MYO16: variants seen among roughly 807,000 people sequenced by gnomAD.
The protein encoded by MYO16 is myosin XVI, also known as unconventional myosin-XVI.
Under a neutral mutation model 205.3 loss-of-function variants are expected in MYO16, and 94 were observed. The observed-to-expected ratio is 0.46, with a 90% CI of 0.39 to 0.54. MYO16 has a LOEUF of 0.54. Among genes scored for constraint, MYO16 ranks in the 20% least tolerant of loss-of-function variants. The pLI, the probability that MYO16 is intolerant of heterozygous loss-of-function variation, is 0.00. For synonymous variants in MYO16, 988 were observed against 954.0 expected (o/e 1.04, Z -0.66); for missense variants, 2,315 against 2,387.5 (o/e 0.97, Z 0.63).
the MYO16 span, among the ~76,000 whole-genome samples, chr13:108,516,430 C>G: frequency 6.6e-6 from 1 of 152,102 alleles, no homozygotes; most frequent in East Asian, 1.9e-4. Context: ...AGAAATCACC[C>G]GTCTTCTGCG....
At chr13:108,777,908 C>A (rs1238448192) in intron 4 of MYO16, among the ~76,000 whole-genome samples, 2 of 152,192 alleles carry the variant, frequency 1.3e-5, no homozygotes, top group East Asian at 3.9e-4. Context: ...CTGCTATTCC[C>A]ATATTCTTCA....
intron 27 of MYO16, among the ~76,000 whole-genome samples, chr13:109,065,388 G>A (rs1346444654): frequency 6.6e-6 from 1 of 151,876 alleles, no homozygotes; most frequent in East Asian, 1.9e-4. Flanking sequence ...CCCTTCCACA[G>A]CCATGTCTAT....
rs1693985149 is a variant in MYO16, at chr13:108,629,671, G to T, written c.-174G>T. The T allele has an allele frequency of 1.8e-6, 1 of 566,962 alleles. No homozygotes were observed. The highest frequency in any genetic ancestry group is 3.1e-6 in the Non-Finnish European group (1 of 326,116). 35.1% of individuals were successfully genotyped at this position (566,962 alleles called of 1,614,324 possible). A position where few individuals can be genotyped will look rare whatever the true frequency, so the allele number is the denominator to read the frequency against. On this transcript the variant is annotated 5_prime_UTR_variant, in exon 1 of 35. Coordinates refer to ENST00000457511, the MANE Select transcript of MYO16 (RefSeq NM_001198950.3). ...TATCTTAACTCCAGCTGCCGAATGA[G>T]AATGAGTTTGAAGCTTTTTGCAGGA...
chr13:108,604,214 G>T (rs1878869581), intron 1 of MYO16, among the ~76,000 whole-genome samples: 1 of 152,084 alleles, frequency 6.6e-6, no homozygotes, highest in Non-Finnish European at 1.5e-5. Context: ...AATTTGGATT[G>T]CAATTTAAGA....
At chr13:108,846,514 A>G (rs1223059778) in intron 10 of MYO16, among the ~76,000 whole-genome samples, 2 of 91,966 alleles carry the variant, frequency 2.2e-5, no homozygotes, top group East Asian at 2.2e-4. Context: ...GTGTATATAC[A>G]TATATCCTTT....
chr13:108,630,995 G>A (rs185130092), intron 1 of MYO16, among the ~76,000 whole-genome samples: 161 of 152,250 alleles, frequency 1.1e-3, no homozygotes, highest in African/African-American at 3.0e-3. Context: ...TGGTCATCTC[G>A]TAAGTTTGCA....
At chr13:109,152,586 A>C (rs540476761) in intron 32 of MYO16, among the ~76,000 whole-genome samples, 45 of 152,296 alleles carry the variant, frequency 3.0e-4, no homozygotes, top group Non-Finnish European at 5.9e-5. Context: ...CGTCTTTTTA[A>C]TCTGATGATC....
chr13:108,586,177 AAAG>A, the MYO16 span, among the ~76,000 whole-genome samples: 8 of 152,256 alleles, frequency 5.3e-5, no homozygotes, highest in Admixed American at 3.9e-4. Flanking sequence ...CCAGATAAAA[AAAG>A]AAGAGATCAT....
chr13:108,831,385 C>T (rs913243617), intron 9 of MYO16, among the ~76,000 whole-genome samples: 15 of 152,178 alleles, frequency 9.9e-5, no homozygotes, highest in African/African-American at 2.9e-4. Flanking sequence ...CAGGATAGGG[C>T]TTCAAGGAAT....
At chr13:108,913,103 G>A (rs1418250077) in intron 16 of MYO16, among the ~76,000 whole-genome samples, 1 of 152,142 alleles carries the variant, frequency 6.6e-6, no homozygotes, top group Admixed American at 6.5e-5. Flanking sequence ...GTGACTTTAT[G>A]AGGAGTTCCA....
chr13:109,087,896 A>T (rs1888485838), intron 27 of MYO16, among the ~76,000 whole-genome samples: 1 of 152,230 alleles, frequency 6.6e-6, no homozygotes, highest in Non-Finnish European at 1.5e-5. Flanking sequence ...TCTTTTATTT[A>T]GGCTTAAACA....
chr13:108,644,401 TATCTATCTATC>T (rs1566524947), intron 1 of MYO16, among the ~76,000 whole-genome samples: 9 of 150,836 alleles, frequency 6.0e-5, no homozygotes, highest in African/African-American at 1.7e-4. Flanking sequence ...TCTATCTATC[TATCTATCTATC>T]TATCATCTGT....
chr13:108,727,129 C>T (rs552847699), intron 3 of MYO16, among the ~76,000 whole-genome samples: 160 of 151,626 alleles, frequency 1.1e-3, no homozygotes, highest in Non-Finnish European at 9.3e-4. Flanking sequence ...GTGAATGGTT[C>T]AAGTTTTTTT....
Position 108,961,626 on chromosome 13 carries a change from T to G in MYO16, c.2125T>G (p.Phe709Val). 1 of 1,613,942 alleles carries G rather than the reference T, an allele frequency of 6.2e-7. No homozygotes were observed. Among genetic ancestry groups the G allele is most frequent in the East Asian group, 2.2e-5 (1 of 44,884 alleles). Residue 709 changes from phenylalanine to valine, a missense_variant, in exon 18 of 35, where the codon TTC (phenylalanine) becomes GTC (valine). By Grantham distance (50) the Phe-to-Val change is conservative. Coordinates refer to ENST00000457511, the MANE Select transcript of MYO16 (RefSeq NM_001198950.3). The part of the protein sequence containing the change: ...FTALNEGNSA[F>V]VSDLQLLEQV... ...TGCCCTGAATGAGGGGAACTCCGCC[T>G]TCGTTTCTGACCTCCAGCTCCTGGA...
chr13:108,508,883 C>G, the MYO16 span, among the ~76,000 whole-genome samples: 1 of 152,178 alleles, frequency 6.6e-6, no homozygotes, highest in Non-Finnish European at 1.5e-5. Context: ...ATGGGACTTA[C>G]TATTCAGTTA....
chr13:108,972,708 T>A (rs1884099149), intron 20 of MYO16, among the ~76,000 whole-genome samples: 1 of 151,772 alleles, frequency 6.6e-6, no homozygotes, highest in South Asian at 2.1e-4. Flanking sequence ...TGCCACTCTT[T>A]CTCTTAGGGC....
At chr13:108,927,717 T>G (rs147989022) in intron 16 of MYO16, among the ~76,000 whole-genome samples, 1,920 of 152,360 alleles carry the variant, frequency 0.013, 26 homozygotes, top group Middle Eastern at 0.1. Context: ...TCCTTGCGCA[T>G]GCCCTGGAGG....
At chr13:108,743,266 T>C (rs1884964149) in intron 4 of MYO16, among the ~76,000 whole-genome samples, 1 of 152,162 alleles carries the variant, frequency 6.6e-6, no homozygotes, top group Admixed American at 6.5e-5. Flanking sequence ...AAAAAAACAT[T>C]TGGGGTGGAA....
chr13:109,140,313 G>A lies in MYO16; in HGVS notation c.4101G>A (p.Lys1367=). The change falls in exon 32 of 35, where the codon AAG becomes AAA. Residue 1367 remains lysine, a synonymous_variant. Coordinates refer to ENST00000457511, the MANE Select transcript of MYO16 (RefSeq NM_001198950.3). The surrounding 1 kb of genome is among the most constrained non-coding windows in gnomAD (Gnocchi z 8.0). The stretch of plus-strand genomic sequence containing the variant: ...GCGACGACTACAGCACCATGAAGAA[G>A]ATTCCTCCTCGAAAGCCCAAGCGCA... ...PHSDDYSTMK[K]IPPRKPKRSP... 4 of 1,602,594 alleles carry A rather than the reference G, an allele frequency of 2.5e-6. No individual in the cohort carries two copies. The highest frequency in any genetic ancestry group is 3.4e-6 in the Non-Finnish European group (4 of 1,179,392).
Sources: gnomAD v4.1 joint callset for allele counts (sites outside exome capture counted in the v4.1 genomes callset) on GRCh38, gnomAD v4.1.1 for gene constraint, Gnocchi (gnomAD v3.1) non-coding constraint, MANE v1.5 for transcripts, NCBI Gene and HGNC (gene_info 2026-07-23, HGNC 2026-07-21) for gene names.